ZNF662: variants seen among roughly 807,000 people sequenced by gnomAD.
ZNF662 encodes the protein zinc finger protein 662.
ZNF662 carries 14 observed loss-of-function variants against 12.4 expected under a neutral mutation model. The observed-to-expected ratio is 1.13, with a 90% confidence interval of 0.75 to 1.77. The LOEUF (loss-of-function observed/expected upper bound fraction) is 1.77. ZNF662 is among the 40% of genes most tolerant of loss of function. The pLI, the probability that ZNF662 is intolerant of heterozygous loss-of-function variation, is 0.00. For synonymous variants in ZNF662, 184 were observed against 176.4 expected, an observed-to-expected ratio of 1.04 and a Z score of -0.34; for missense variants, 550 against 515.6, an observed-to-expected ratio of 1.07 and a Z score of -0.65.
chr3:42,916,549 A>T lies in ZNF662; in HGVS notation c.*1195A>T, dbSNP rs1367420894. On this transcript the variant is annotated 3_prime_UTR_variant, in exon 5 of 5. Transcript: ENST00000440367. The stretch of plus-strand genomic sequence containing the variant: ...CTGGCTAATATTTTTTATTTTTAGT[A>T]GAGACGGGGTTTCACCATGTTAGCC... The T allele has an allele frequency of 3.3e-5, 5 of 151,916 alleles. No individual in the cohort carries two copies. The highest frequency in any genetic ancestry group is 1.2e-4 in the African/African-American group (5 of 41,276). 9.4% of individuals were successfully genotyped at this position (151,916 alleles called of 1,614,324 possible).
intron 3 of ZNF662, among the ~76,000 whole-genome samples, chr3:42,911,749 C>A (rs1164158550): frequency 6.6e-6 from 1 of 152,108 alleles, no homozygotes; most frequent in Non-Finnish European, 1.5e-5. Flanking sequence ...TACAGTAGAT[C>A]TCTGTGAACA....
rs1445211890 is a variant in ZNF662 at position 42,917,448 on chromosome 3, G to C, written c.*2094G>C. 1 of 682,794 alleles carries C rather than the reference G, an allele frequency of 1.5e-6. No homozygotes were observed. Among genetic ancestry groups the C allele is most frequent in the East Asian group, 2.7e-5 (1 of 37,112 alleles). The allele number at this position is 682,794 out of a possible 1,614,324, so 42.3% of individuals were successfully genotyped here. ...TAGCAACTTTTTTTTTCTGTTAAAA[G>C]GGGAGATTCTCAAGCTTCCAGGTGC... On this transcript the variant is annotated 3_prime_UTR_variant, in exon 5 of 5. Coordinates refer to ENST00000440367, the MANE Select transcript of ZNF662 (RefSeq NM_207404.4).
In ZNF662 at chr3:42,914,649, T is replaced by C. The variant is rs775933270; in HGVS notation, c.576T>C (p.Tyr192=). The part of the protein sequence containing the change: ...HHKILNEQIF[Y]ICEECGKCFD... ...AAATTCTAAATGAGCAAATATTCTA[T>C]ATATGTGAGGAATGCGGCAAGTGTT... is the stretch of plus-strand genomic sequence containing the variant. The change falls in exon 5 of 5, where the codon TAT becomes TAC. Residue 192 remains tyrosine (Y), a synonymous_variant. Transcript: ENST00000440367. 1 of 1,614,194 alleles carries C rather than the reference T, an allele frequency of 6.2e-7. No individual in the cohort carries two copies. The highest frequency in any genetic ancestry group is 1.1e-5 in the South Asian group (1 of 91,082).
chr3:42,907,642 G>A, intron 1 of ZNF662: 1 of 973,168 alleles, frequency 1.0e-6, no homozygotes, highest in Middle Eastern at 5.3e-4. Flanking sequence ...TCAAGTGCTT[G>A]GCACAGGCTT....
At position 42,918,786 on chromosome 3, in the gene ZNF662, C is replaced by T. The variant is rs999132940; in HGVS notation, c.*3432C>T. On this transcript the variant is annotated 3_prime_UTR_variant, in exon 5 of 5. Transcript: ENST00000440367. ...TGGCCATCATTTGAGGTTCCAATTG[C>T]ATGAACATTCAGAGTTCAATGGCCT... 2.6e-5 allele frequency among the ~76,000 whole-genome samples: 4 copies of T among 152,092 alleles called. No individual in the cohort carries two copies. Among genetic ancestry groups the T allele is most frequent in the Admixed American group, 1.3e-4 (2 of 15,270 alleles).
Position 42,908,057 on chromosome 3 carries a change from C to T in ZNF662, c.-58C>T. On this transcript the variant is annotated 5_prime_UTR_variant, in exon 2 of 5. Transcript: ENST00000440367. ...CCTTCGAGGATGTGGCCGTCTACTT[C>T]TCTGAGAACGAATGGATCGGCCTGG... The T allele has an allele frequency of 6.2e-7, 1 of 1,614,212 alleles. No individual in the cohort carries two copies. Among genetic ancestry groups the T allele is most frequent in the Non-Finnish European group, 8.5e-7 (1 of 1,180,028 alleles).
intron 1 of ZNF662, among the ~76,000 whole-genome samples, chr3:42,907,303 G>A (rs368822404): frequency 1.3e-5 from 2 of 152,194 alleles, no homozygotes; most frequent in Non-Finnish European, 2.9e-5. Context: ...GGTGGTGGGG[G>A]TGCAGGGAGT....
chr3:42,914,545 A>G lies in ZNF662; in HGVS notation c.472A>G (p.Ile158Val). 1 of 1,614,130 alleles carries G rather than the reference A, an allele frequency of 6.2e-7. No individual in the cohort carries two copies. Among genetic ancestry groups the G allele is most frequent in the South Asian group, 1.1e-5 (1 of 91,072 alleles). ...ESSTNDIIEVIVKDEMISVEE... is the reference protein window; with the variant it reads ...ESSTNDIIEVVVKDEMISVEE... ...TTCTACAAATGATATTATAGAAGTG[A>G]TTGTCAAGGATGAGATGATCTCAGT... Residue 158 changes from isoleucine (I) to valine (V), a missense_variant, in exon 5 of 5, where the codon ATT becomes GTT. Coordinates refer to ENST00000440367, the MANE Select transcript of ZNF662 (RefSeq NM_207404.4).
rs748393744 is a variant in ZNF662, at chr3:42,915,415, A to G, written c.*61A>G. 3.4e-6 allele frequency: 5 copies of G among 1,455,896 alleles called. No homozygotes were observed. The highest frequency in any genetic ancestry group is 3.7e-6 in the Non-Finnish European group (4 of 1,081,968). 90.2% of individuals were successfully genotyped at this position (1,455,896 alleles called of 1,614,324 possible). A position where few individuals can be genotyped will look rare whatever the true frequency, so the allele number is the denominator to read the frequency against. On this transcript the variant is annotated 3_prime_UTR_variant, in exon 5 of 5. Coordinates refer to ENST00000440367, the MANE Select transcript of ZNF662 (RefSeq NM_207404.4). The stretch of plus-strand genomic sequence containing the variant: ...ATGCTGCAGGAACCCTAGAGACAAA[A>G]TGAGATGACCATTCACAATTTGCTG...
In ZNF662 at chr3:42,912,253, TATA is replaced by T. The variant is rs577398028; in HGVS notation, c.152-944_152-942del. Among the ~76,000 whole-genome samples, 793 of 129,464 alleles carry T rather than the reference TATA, an allele frequency of 6.1e-3. 13 individuals are homozygous for T. The highest frequency in any genetic ancestry group is 0.021 in the African/African-American group (734 of 34,602). 84.9% of individuals were successfully genotyped at this position (129,464 alleles called of 152,430 possible). On this transcript the variant is annotated intron_variant, in intron 3 of 4. Coordinates refer to ENST00000440367, the MANE Select transcript of ZNF662 (RefSeq NM_207404.4). ...ATATATATAAATATATAAATAAAAA[TATA>T]ATATATATCTTATATATTATATATA...
Position 42,914,323 on chromosome 3 carries a change from T to G in ZNF662, c.254-4T>G. ...ACATTTGAAGCTCCAATTTCTTTTT[T>G]CAGAGGGTGTGTTGAAGAGGAAGAA... On this transcript the variant is annotated splice_region_variant and splice_polypyrimidine_tract_variant and intron_variant, in intron 4 of 4. Transcript: ENST00000440367. The G allele has an allele frequency of 6.3e-7, 1 of 1,580,746 alleles. No homozygotes were observed. Among genetic ancestry groups the G allele is most frequent in the Non-Finnish European group, 8.6e-7 (1 of 1,168,212 alleles).
At chr3:42,908,259 G>T in intron 2 of ZNF662, 111 bp downstream of exon 2, 1 of 1,473,838 alleles carries the variant, frequency 6.8e-7, no homozygotes, top group South Asian at 1.5e-5. Context: ...GCAGCTTCAG[G>T]CTCTTGGATT....
chr3:42,907,932 C>A lies in ZNF662; in HGVS notation c.-93-90C>A, dbSNP rs1247910563. On this transcript the variant is annotated intron_variant, in intron 1 of 4. Coordinates refer to ENST00000440367, the MANE Select transcript of ZNF662 (RefSeq NM_207404.4). The stretch of plus-strand genomic sequence containing the variant: ...TCAGAATCCAGAATCCCCACAGGCA[C>A]CCCCACAGTACCTTTTGATGCCCTG... 2.7e-6 allele frequency: 4 copies of A among 1,506,734 alleles called. No homozygotes were observed. The African/African-American group carries it at 5.5e-5, about 21-fold the overall frequency. 93.3% of individuals were successfully genotyped at this position (1,506,734 alleles called of 1,614,324 possible). A position where few individuals can be genotyped will look rare whatever the true frequency, so the allele number is the denominator to read the frequency against.
Position 42,915,276 on chromosome 3 carries a change from T to C in ZNF662, c.1203T>C (p.Ser401=). 3 of 1,613,292 alleles carry C rather than the reference T, an allele frequency of 1.9e-6. No individual in the cohort carries two copies. Among genetic ancestry groups the C allele is most frequent in the Non-Finnish European group, 1.7e-6 (2 of 1,179,688 alleles). The change falls in exon 5 of 5, where the codon TCT becomes TCC. Residue 401 remains serine, a synonymous_variant. Coordinates refer to ENST00000440367, the MANE Select transcript of ZNF662 (RefSeq NM_207404.4). The part of the protein sequence containing the change: ...NDCGKAFSQN[S]VLIKHQRRHA... ...GTGGGAAGGCCTTCAGTCAGAATTC[T>C]GTCTTAATTAAGCACCAGAGGCGCC... is the stretch of plus-strand genomic sequence containing the variant.
At chr3:42,908,260 C>G (rs2088712111) in intron 2 of ZNF662, 112 bp downstream of exon 2, 9 of 1,472,922 alleles carry the variant, frequency 6.1e-6, no homozygotes, top group Non-Finnish European at 8.1e-6. Context: ...CAGCTTCAGG[C>G]TCTTGGATTT....
At chr3:42,910,412 C>A (rs1427510997) in intron 3 of ZNF662, among the ~76,000 whole-genome samples, 2 of 152,116 alleles carry the variant, frequency 1.3e-5, no homozygotes, top group Non-Finnish European at 2.9e-5. Context: ...TTGTTTTATT[C>A]ATCCTGGCTC....
intron 2 of ZNF662, chr3:42,908,366 C>T (rs1461877574): frequency 7.4e-7 from 1 of 1,346,368 alleles, no homozygotes; most frequent in African/African-American, 1.5e-5. Flanking sequence ...TGAGAGGTGC[C>T]AAACCCCTAC....
Position 42,917,459 on chromosome 3 carries a change from C to A in ZNF662, c.*2105C>A, listed in dbSNP as rs770732738. 4 of 681,932 alleles carry A rather than the reference C, an allele frequency of 5.9e-6. No individual in the cohort carries two copies. Among genetic ancestry groups the A allele is most frequent in the Non-Finnish European group, 1.1e-5 (4 of 379,812 alleles). 42.2% of individuals were successfully genotyped at this position (681,932 alleles called of 1,614,324 possible). A position where few individuals can be genotyped will look rare whatever the true frequency, so the allele number is the denominator to read the frequency against. On this transcript the variant is annotated 3_prime_UTR_variant, in exon 5 of 5. Transcript: ENST00000440367. ...TTTTTCTGTTAAAAGGGGAGATTCT[C>A]AAGCTTCCAGGTGCTACCATATGGA...
rs1221366870 is a variant in ZNF662 at position 42,916,850 on chromosome 3, G to A, written c.*1496G>A. Reference sequence around the variant, plus strand: ...TCACTACCATGATAGTCTACATTCTGATAAGCTGTGAGGCCACTGCCAAGG... The same window carrying A: ...TCACTACCATGATAGTCTACATTCTAATAAGCTGTGAGGCCACTGCCAAGG... On this transcript the variant is annotated 3_prime_UTR_variant, in exon 5 of 5. Transcript: ENST00000440367. The A allele has an allele frequency of 6.6e-6, 1 of 152,164 alleles. No individual in the cohort carries two copies. The highest frequency in any genetic ancestry group is 1.5e-5 in the Non-Finnish European group (1 of 68,100). 9.4% of individuals were successfully genotyped at this position (152,164 alleles called of 1,614,324 possible).
Sources: allele counts gnomAD v4.1 joint callset (sites outside exome capture counted in the v4.1 genomes callset), GRCh38; gene constraint gnomAD v4.1.1; transcripts MANE v1.5; gene names NCBI Gene and HGNC (gene_info 2026-07-23, HGNC 2026-07-21).